The following FARP1 variants were observed in gnomAD, a reference collection of about 807,000 sequenced individuals.
FARP1 encodes the protein FERM, ARH/RhoGEF and pleckstrin domain protein 1, also known as FERM, ARHGEF and pleckstrin domain-containing protein 1.
FARP1 carries 52 observed loss-of-function variants against 128.8 expected under a neutral mutation model. The observed-to-expected ratio is 0.40, with a 90% CI of 0.32 to 0.51. The LOEUF is 0.51. Ranked by LOEUF, FARP1 falls within the 20% of genes least tolerant of loss-of-function variation. FARP1 has a pLI of 0.45. For synonymous variants in FARP1, 580 were observed against 551.8 expected, an observed-to-expected ratio of 1.05 and a Z score of -0.72; for missense variants, 1,333 against 1,367.9, an observed-to-expected ratio of 0.97 and a Z score of 0.40.
At chr13:98,348,243 C>T (rs184175227) in intron 3 of FARP1, among the ~76,000 whole-genome samples, 1 of 152,344 alleles carries the variant, frequency 6.6e-6, no homozygotes, top group Non-Finnish European at 1.5e-5. Context: ...TGGCTCTTGT[C>T]CTGCTCTTGC....
At chr13:98,347,660 C>G (rs7334402) in intron 3 of FARP1, among the ~76,000 whole-genome samples, 16,492 of 152,224 alleles carry the variant, frequency 0.11, 1,176 homozygotes, top group African/African-American at 0.2. Flanking sequence ...CTTACATTGC[C>G]GTCACCTCTT....
At chr13:98,310,080 G>T (rs1435588143) in intron 2 of FARP1, among the ~76,000 whole-genome samples, 6 of 146,358 alleles carry the variant, frequency 4.1e-5, no homozygotes, top group South Asian at 2.2e-4. Context: ...TAGATTACAT[G>T]TTTTTTTTTT....
intron 2 of FARP1, among the ~76,000 whole-genome samples, chr13:98,223,803 T>A (rs1881576389): frequency 6.6e-6 from 1 of 152,220 alleles, no homozygotes; most frequent in African/African-American, 2.4e-5. Flanking sequence ...AATTTCCTCA[T>A]CTCCCCAGAA....
chr13:98,289,898 A>G (rs1354510746), intron 2 of FARP1, among the ~76,000 whole-genome samples: 1 of 152,158 alleles, frequency 6.6e-6, no homozygotes. Flanking sequence ...ACTGTCAGGG[A>G]GATAGGAACA....
rs183427728 is a variant in FARP1, at chr13:98,272,187, G to A, written c.171+58774G>A. On this transcript the variant is annotated intron_variant, in intron 2 of 26. Transcript: ENST00000319562. ...TGGGATTATAGGCGCCTCCCACCAC[G>A]CCAGTCTAGTTTTTGTATTTTTAGT... 6.6e-5 allele frequency among the ~76,000 whole-genome samples: 10 copies of A among 151,954 alleles called. No individual in the cohort carries two copies. The East Asian group carries it at 7.7e-4, about 12-fold the overall frequency.
At chr13:98,285,162 G>T (rs1463521637) in intron 2 of FARP1, among the ~76,000 whole-genome samples, 1 of 152,114 alleles carries the variant, frequency 6.6e-6, no homozygotes, top group African/African-American at 2.4e-5. Flanking sequence ...GTAACAATGT[G>T]CATGTCCCCT....
At chr13:98,321,008 G>A (rs773317092) in intron 2 of FARP1, among the ~76,000 whole-genome samples, 3 of 152,174 alleles carry the variant, frequency 2.0e-5, no homozygotes, top group Admixed American at 6.5e-5. Flanking sequence ...TGTGACTCAC[G>A]AACTGGGAGT....
intron 2 of FARP1, among the ~76,000 whole-genome samples, chr13:98,288,382 C>T (rs558016104): frequency 6.6e-6 from 1 of 152,188 alleles, no homozygotes; most frequent in African/African-American, 2.4e-5. Context: ...ATCCTCTCCA[C>T]GCTCCCGCCC....
Position 98,440,017 on chromosome 13 carries a change from G to A in FARP1, c.2490G>A (p.Gln830=). 1.2e-6 allele frequency: 2 copies of A among 1,605,038 alleles called. No individual in the cohort carries two copies. The highest frequency in any genetic ancestry group is 1.7e-6 in the Non-Finnish European group (2 of 1,173,404). ...CCCACTGCCTGACCCTCCGGGGCCA[G>A]CGGCAGTCCATCATCGTGGCCGCCA... The part of the protein sequence containing the change: ...GVPHCLTLRG[Q]RQSIIVAASS... The change falls in exon 22 of 27, where the codon CAG becomes CAA. Residue 830 remains glutamine, a synonymous_variant. Coordinates refer to ENST00000319562, the MANE Select transcript of FARP1 (RefSeq NM_005766.4).
At chr13:98,393,750 G>T in intron 12 of FARP1, 32 bp downstream of exon 12, 3 of 1,550,146 alleles carry the variant, frequency 1.9e-6, no homozygotes, top group Non-Finnish European at 2.7e-6. Context: ...TGATAACTCT[G>T]CTTTTCCCCA....
intron 5 of FARP1, among the ~76,000 whole-genome samples, chr13:98,370,134 C>A (rs1889264125): frequency 6.6e-6 from 1 of 152,174 alleles, no homozygotes; most frequent in Non-Finnish European, 1.5e-5. Flanking sequence ...TGACTTCAGG[C>A]TGGTGGGTCT....
chr13:98,385,178 A>G (rs1277580133), intron 7 of FARP1, among the ~76,000 whole-genome samples: 2 of 152,260 alleles, frequency 1.3e-5, no homozygotes, highest in Admixed American at 6.5e-5. Context: ...GTGAAAATCC[A>G]GAACCTTCAT....
chr13:98,161,663 G>A (rs1210003961), intron 1 of FARP1, among the ~76,000 whole-genome samples: 1 of 152,124 alleles, frequency 6.6e-6, no homozygotes, highest in Admixed American at 6.6e-5. Flanking sequence ...TATATTGTGT[G>A]GCGATTTCCC....
At chr13:98,378,040 T>C in intron 6 of FARP1, 122 bp downstream of exon 6, 1 of 735,256 alleles carries the variant, frequency 1.4e-6, no homozygotes, top group South Asian at 1.7e-5. Flanking sequence ...TTTTTGCTGT[T>C]CGTATGAAGG....
chr13:98,227,686 C>T (rs1325330370), intron 2 of FARP1, among the ~76,000 whole-genome samples: 1 of 152,188 alleles, frequency 6.6e-6, no homozygotes, highest in African/African-American at 2.4e-5. Context: ...CATAGCAGTA[C>T]TGTTCACGCT....
chr13:98,447,599 T>C (rs368055354), intron 26 of FARP1: 2 of 152,582 alleles, frequency 1.3e-5, no homozygotes. Flanking sequence ...ACCCCTCAGT[T>C]GGGACATCTA....
At chr13:98,207,968 A>ACACT (rs1566741263) in intron 1 of FARP1, among the ~76,000 whole-genome samples, 1 of 143,124 alleles carries the variant, frequency 7.0e-6, no homozygotes, top group Non-Finnish European at 1.5e-5. Context: ...ACACACACAC[A>ACACT]CTTTGATTCA....
rs373014578 is a variant in FARP1, at chr13:98,169,025, G to GT, written c.-24+25542dup. On this transcript the variant is annotated intron_variant, in intron 1 of 26. Transcript: ENST00000319562. ...CCTATGATAGTTTTCTTCAAAAACT[G>GT]TTTTTTTTTGTTGTTAAGATAATTC... is the stretch of plus-strand genomic sequence containing the variant. Among the ~76,000 whole-genome samples, 207 of 150,904 alleles carry GT rather than the reference G, an allele frequency of 1.4e-3. 1 individual carries two copies. Among genetic ancestry groups the GT allele is most frequent in the African/African-American group, 3.5e-3 (145 of 41,114 alleles).
At chr13:98,349,807 C>T (rs1412133277) in intron 3 of FARP1, among the ~76,000 whole-genome samples, 1 of 151,796 alleles carries the variant, frequency 6.6e-6, no homozygotes, top group African/African-American at 2.4e-5. Context: ...TTTCTGTCCT[C>T]CATGCTAGGA....
Sources: allele counts gnomAD v4.1 joint callset (sites outside exome capture counted in the v4.1 genomes callset), GRCh38; gene constraint gnomAD v4.1.1; transcripts MANE v1.5; gene names NCBI Gene and HGNC (gene_info 2026-07-23, HGNC 2026-07-21).